OSBP2: variants seen among roughly 807,000 people sequenced by gnomAD.
OSBP2 encodes the protein oxysterol-binding protein 2.
A neutral mutation model predicts 96.0 loss-of-function variants in OSBP2; 66 were observed. The ratio of observed to expected loss-of-function variants is 0.69; its 90% confidence interval spans 0.56 to 0.84. OSBP2 has a LOEUF of 0.84. OSBP2 is among the 40% of genes least tolerant of loss of function. The probability of loss-of-function intolerance (pLI) is 0.00; values close to 1 mark genes in which losing one functional copy is unlikely to be tolerated. For missense variants in OSBP2, 1,038 were observed against 1,222.7 expected (o/e 0.85, Z 2.25); for synonymous variants, 525 against 520.9 (o/e 1.01, Z -0.11).
intron 1 of OSBP2, among the ~76,000 whole-genome samples, chr22:30,733,159 G>C (rs2089804500): frequency 6.6e-6 from 1 of 152,208 alleles, no homozygotes; most frequent in Non-Finnish European, 1.5e-5. Context: ...TATCAAGGAG[G>C]GTTCCGTGTT....
intron 2 of OSBP2, among the ~76,000 whole-genome samples, chr22:30,852,051 T>A (rs575907076): frequency 6.6e-6 from 1 of 152,312 alleles, no homozygotes; most frequent in East Asian, 1.9e-4. Context: ...TATCCTTTTT[T>A]GCTGATTTCC....
At chr22:30,891,031 C>A in intron 8 of OSBP2, 58 bp downstream of exon 8, 1 of 1,564,558 alleles carries the variant, frequency 6.4e-7, no homozygotes, top group South Asian at 1.2e-5. Flanking sequence ...CAAGCTGTTC[C>A]TGCCAGGCCC....
In OSBP2 at chr22:30,888,506, T is replaced by C. The variant is rs542326166; in HGVS notation, c.1418+166T>C. ...CTTTGGGAGGCCAAGGGTAAGAAGA[T>C]TGCTTGAATACAAGAGTTTGAGACC... On this transcript the variant is annotated intron_variant, in intron 5 of 13. Transcript: ENST00000332585. 1.2e-4 allele frequency among the ~76,000 whole-genome samples: 18 copies of C among 152,272 alleles called. No homozygotes were observed. In the South Asian group the frequency reaches 3.1e-3, roughly 26 times the overall value.
At chr22:30,730,754 CTCTCTCTCTCTCTCTCTCTCTATATATA>C (rs2089744694) in intron 1 of OSBP2, among the ~76,000 whole-genome samples, 2 of 45,154 alleles carry the variant, frequency 4.4e-5, no homozygotes, top group South Asian at 1.0e-3. Flanking sequence ...CTCTCTCTCT[CTCTCTCTCTCTCTCTCTCTCTATATATA>C]TATATATATA....
intron 2 of OSBP2, among the ~76,000 whole-genome samples, chr22:30,787,919 G>A (rs1009770188): frequency 6.6e-6 from 1 of 152,180 alleles, no homozygotes; most frequent in African/African-American, 2.4e-5. Context: ...GTGGGTCTTA[G>A]TGACAGACGG....
chr22:30,881,485 C>T lies in OSBP2; in HGVS notation c.1108-5941C>T, dbSNP rs539571183. On this transcript the variant is annotated intron_variant, in intron 3 of 13. Coordinates refer to ENST00000332585, the MANE Select transcript of OSBP2 (RefSeq NM_030758.4). This position sits in a 1 kb window ranked among gnomAD's most constrained non-coding sequence, Gnocchi z 4.5. ...GGCTTCAGGTCAGCCCGTCTCTCCT[C>T]CTGCTCACAGCTGAGCACGAGTCTC... Among the ~76,000 whole-genome samples, 22 of 152,304 alleles carry T rather than the reference C, an allele frequency of 1.4e-4. No homozygotes were observed. The highest frequency in any genetic ancestry group is 5.9e-4 in the Admixed American group (9 of 15,312).
Position 30,695,355 on chromosome 22 carries a change from C to A in OSBP2, c.446C>A (p.Pro149His). 6.2e-7 allele frequency: 1 copy of A among 1,613,798 alleles called. No homozygotes were observed. Among genetic ancestry groups the A allele is most frequent in the South Asian group, 1.1e-5 (1 of 91,092 alleles). Residue 149 changes from proline (P) to histidine (H), a missense_variant, in exon 1 of 14, where the codon CCC becomes CAC. By Grantham distance (77) the Pro-to-His change is moderately conservative. Coordinates refer to ENST00000332585, the MANE Select transcript of OSBP2 (RefSeq NM_030758.4). ...TCAGGATCGCTGCCAGCGTTAAAGCCCCTGCCTCTTCTGCGACCAGGACAG... is the reference window on the plus strand; with the variant it reads ...TCAGGATCGCTGCCAGCGTTAAAGCACCTGCCTCTTCTGCGACCAGGACAG... ...PESGSLPALK[P>H]LPLLRPGQAK...
At chr22:30,853,563 T>C (rs998104186) in intron 2 of OSBP2, among the ~76,000 whole-genome samples, 3 of 152,158 alleles carry the variant, frequency 2.0e-5, no homozygotes, top group African/African-American at 4.8e-5. Flanking sequence ...TGTTAACATA[T>C]AATGAATCTT....
At chr22:30,780,848 T>G (rs1026398107) in intron 2 of OSBP2, among the ~76,000 whole-genome samples, 2 of 152,254 alleles carry the variant, frequency 1.3e-5, no homozygotes, top group South Asian at 4.1e-4. Context: ...GGATCTAAGG[T>G]CTGGTGTTTC....
intron 2 of OSBP2, among the ~76,000 whole-genome samples, chr22:30,752,143 A>C (rs563932171): frequency 3.7e-4 from 56 of 152,136 alleles, no homozygotes; most frequent in Non-Finnish European, 6.8e-4. Flanking sequence ...TGCTCACTGC[A>C]GTAGTGATTC....
chr22:30,743,990 G>A (rs973031432), intron 2 of OSBP2, among the ~76,000 whole-genome samples: 3 of 152,148 alleles, frequency 2.0e-5, no homozygotes, highest in African/African-American at 7.2e-5. Context: ...GTGCCAAGAG[G>A]GCAGCCTTCT....
At chr22:30,792,083 G>A (rs1010878173) in intron 2 of OSBP2, among the ~76,000 whole-genome samples, 3 of 152,118 alleles carry the variant, frequency 2.0e-5, no homozygotes, top group African/African-American at 7.2e-5. Context: ...AGGCTGAGAT[G>A]GGTGGATCAC....
Position 30,790,935 on chromosome 22 carries a change from A to G in OSBP2, c.853+49566A>G, listed in dbSNP as rs12160219. Reference sequence around the variant, plus strand: ...GATTTGGACAGTCAAGGCCAATGTGATCCCTGTTTCAAACTTCTCTTTTTA... The same window carrying G: ...GATTTGGACAGTCAAGGCCAATGTGGTCCCTGTTTCAAACTTCTCTTTTTA... On this transcript the variant is annotated intron_variant, in intron 2 of 13. Transcript: ENST00000332585. Among the ~76,000 whole-genome samples, 113 of 152,196 alleles carry G rather than the reference A, an allele frequency of 7.4e-4. 1 individual carries two copies. The highest frequency in any genetic ancestry group is 2.6e-3 in the African/African-American group (106 of 41,540).
intron 2 of OSBP2, among the ~76,000 whole-genome samples, chr22:30,764,830 G>T (rs2090250935): frequency 6.6e-6 from 1 of 152,144 alleles, no homozygotes; most frequent in Admixed American, 6.6e-5. Flanking sequence ...TGGCCAGACA[G>T]TATAAAGAAC....
intron 2 of OSBP2, among the ~76,000 whole-genome samples, chr22:30,833,737 A>ATT (rs1239676090): frequency 3.3e-5 from 5 of 152,096 alleles, no homozygotes; most frequent in Admixed American, 3.3e-4. Flanking sequence ...TTGGGTTTGA[A>ATT]TTTTTTTCTT....
chr22:30,794,471 G>A (rs1279598846), intron 2 of OSBP2, among the ~76,000 whole-genome samples: 1 of 151,638 alleles, frequency 6.6e-6, no homozygotes, highest in East Asian at 2.0e-4. Flanking sequence ...CACCATGTTG[G>A]TCAGGCTGGT....
chr22:30,717,080 T>C lies in OSBP2; in HGVS notation c.644+21527T>C, dbSNP rs1191559762. 2.7e-5 allele frequency among the ~76,000 whole-genome samples: 3 copies of C among 112,854 alleles called. No homozygotes were observed. In the South Asian group the frequency reaches 1.2e-3, roughly 46 times the overall value. The allele number at this position is 112,854 out of a possible 152,430, so 74.0% of individuals were successfully genotyped here. On this transcript the variant is annotated intron_variant, in intron 1 of 13. Transcript: ENST00000332585. ...GCATTTAAATCTATTTTGTTTTAATTTTACTGTTTTTGTGTGTGTGTGTGT... is the reference window on the plus strand; with the variant it reads ...GCATTTAAATCTATTTTGTTTTAATCTTACTGTTTTTGTGTGTGTGTGTGT...
intron 1 of OSBP2, among the ~76,000 whole-genome samples, chr22:30,730,716 GTCTCTCTCTCTCTCTCTC>G (rs1191165719): frequency 0.041 from 808 of 19,898 alleles, 21 homozygotes; most frequent in Middle Eastern, 0.083. Context: ...TCGCTGCCCT[GTCTCTCTCTCTCTCTCTC>G]TCTCTCTCTC....
intron 2 of OSBP2, among the ~76,000 whole-genome samples, chr22:30,805,913 G>A (rs1327440614): frequency 6.6e-6 from 1 of 152,188 alleles, no homozygotes; most frequent in African/African-American, 2.4e-5. Flanking sequence ...AAGGTTTTGT[G>A]GCAAGGGAGG....
Sources: allele counts gnomAD v4.1 joint callset (sites outside exome capture counted in the v4.1 genomes callset), GRCh38; gene constraint gnomAD v4.1.1; non-coding constraint Gnocchi (gnomAD v3.1); transcripts MANE v1.5; gene names NCBI Gene and HGNC (gene_info 2026-07-23, HGNC 2026-07-21).